Variants in SDK1 observed in about 807,000 individuals in gnomAD.
SDK1 encodes protein sidekick-1.
A neutral mutation model predicts 245.5 loss-of-function variants in SDK1; 157 were observed. The observed-to-expected ratio is 0.64, with a 90% confidence interval of 0.56 to 0.73. SDK1 has a LOEUF of 0.73. Ranked by LOEUF, SDK1 falls within the 30% of genes least tolerant of loss-of-function variation. SDK1 has a pLI of 0.00. For synonymous variants in SDK1, 1,647 were observed against 1,278.5 expected (o/e 1.29, Z -6.15); for missense variants, 3,583 against 3,002.3 (o/e 1.19, Z -4.52).
chr7:4,264,399 C>T (rs1270905789), intron 44 of SDK1, among the ~76,000 whole-genome samples: 1 of 138,530 alleles, frequency 7.2e-6, no homozygotes, highest in African/African-American at 2.6e-5. Flanking sequence ...GTGGACCTCT[C>T]CTGGGGTAAG....
Position 4,245,736 on chromosome 7 carries a change from G to T in SDK1, c.6312G>T (p.Lys2104Asn). The T allele has an allele frequency of 6.2e-7, 1 of 1,614,104 alleles. No individual in the cohort carries two copies. The change falls in exon 44 of 45, where the codon AAG becomes AAT. Residue 2104 changes from lysine (K) to asparagine (N), a missense_variant. Coordinates refer to ENST00000404826, the MANE Select transcript of SDK1 (RefSeq NM_152744.4). ...LHYSDEDICN[K>N]YNGAVLTESV... is the part of the protein sequence containing the mutation. ...ACTCAGACGAGGACATCTGCAACAAGTACAACGGCGCCGTGCTGACCGAGA... is the reference window on the plus strand; with the variant it reads ...ACTCAGACGAGGACATCTGCAACAATTACAACGGCGCCGTGCTGACCGAGA...
intron 1 of SDK1, among the ~76,000 whole-genome samples, chr7:3,335,409 A>G (rs1282744823): frequency 1.4e-5 from 2 of 142,826 alleles, no homozygotes; most frequent in East Asian, 2.1e-4. Flanking sequence ...AAGATACATA[A>G]TGGTACTTAT....
At chr7:4,189,771 T>C (rs117190789) in intron 35 of SDK1, among the ~76,000 whole-genome samples, 2,983 of 152,296 alleles carry the variant, frequency 0.02, 29 homozygotes, top group South Asian at 0.055. Context: ...GCCATGGCAA[T>C]TGAGTGAGAC....
At position 3,604,973 on chromosome 7, in the gene SDK1, TC is replaced by T. The variant is rs1278354890; in HGVS notation, c.299-14105del. Among the ~76,000 whole-genome samples, 4 of 152,268 alleles carry T rather than the reference TC, an allele frequency of 2.6e-5. No individual in the cohort carries two copies. The East Asian group carries it at 7.7e-4, about 29-fold the overall frequency. On this transcript the variant is annotated intron_variant, in intron 1 of 44. Transcript: ENST00000404826. ...TCAGTTTCCAGGTCTTTGGAGATAT[TC>T]CTGTTGTCTTTTGGTTTTTGTTTTC... is the stretch of plus-strand genomic sequence containing the variant.
intron 1 of SDK1, among the ~76,000 whole-genome samples, chr7:3,469,491 T>G (rs1236597743): frequency 6.6e-6 from 1 of 152,092 alleles, no homozygotes; most frequent in Non-Finnish European, 1.5e-5. Flanking sequence ...CATGAGGTGA[T>G]GTACACTTCT....
chr7:3,941,903 C>T lies in SDK1; in HGVS notation c.848-9020C>T, dbSNP rs981941385. On this transcript the variant is annotated intron_variant, in intron 5 of 44. Transcript: ENST00000404826. ...GCCGTGGTATATTTGGACAAGACTT[C>T]ATTCTTTTTTTTTTTTTTTTTTTGA... Among the ~76,000 whole-genome samples, 17 of 140,520 alleles carry T rather than the reference C, an allele frequency of 1.2e-4. No individual in the cohort carries two copies. In the South Asian group the frequency reaches 2.5e-3, roughly 21 times the overall value. 92.2% of individuals were successfully genotyped at this position (140,520 alleles called of 152,430 possible). A position where few individuals can be genotyped will look rare whatever the true frequency, so the allele number is the denominator to read the frequency against.
chr7:4,063,704 C>A (rs116246606), intron 19 of SDK1, among the ~76,000 whole-genome samples: 1 of 151,800 alleles, frequency 6.6e-6, no homozygotes, highest in Admixed American at 6.6e-5. Flanking sequence ...AATCACACTA[C>A]CTATCTTTGA....
intron 1 of SDK1, among the ~76,000 whole-genome samples, chr7:3,459,416 G>C (rs980156334): frequency 6.6e-6 from 1 of 152,112 alleles, no homozygotes; most frequent in Non-Finnish European, 1.5e-5. Context: ...ACAGGCAGTC[G>C]ATATAGTGCT....
chr7:3,933,454 G>C (rs943550780), intron 5 of SDK1, among the ~76,000 whole-genome samples: 5 of 152,118 alleles, frequency 3.3e-5, no homozygotes, highest in Admixed American at 3.3e-4. Context: ...CATTCCTGGA[G>C]CTGTTTTGGA....
At chr7:3,739,011 G>A (rs368348631) in intron 4 of SDK1, among the ~76,000 whole-genome samples, 8 of 151,262 alleles carry the variant, frequency 5.3e-5, no homozygotes, top group African/African-American at 9.7e-5. Context: ...ATATAAGATC[G>A]TTTATCTAAG....
At chr7:3,800,115 T>A (rs1779069041) in intron 4 of SDK1, among the ~76,000 whole-genome samples, 1 of 152,164 alleles carries the variant, frequency 6.6e-6, no homozygotes, top group Non-Finnish European at 1.5e-5. Context: ...ACGTTTCTGT[T>A]GGGCAGGATT....
intron 5 of SDK1, among the ~76,000 whole-genome samples, chr7:3,892,961 C>A (rs1010491035): frequency 1.3e-5 from 2 of 152,168 alleles, no homozygotes; most frequent in African/African-American, 4.8e-5. Flanking sequence ...TGGCAGGGAA[C>A]AGGCTGCCTT....
intron 5 of SDK1, among the ~76,000 whole-genome samples, chr7:3,833,273 C>T (rs190335145): frequency 2.0e-5 from 3 of 152,086 alleles, no homozygotes; most frequent in South Asian, 2.1e-4. Context: ...TGGCCCCGTG[C>T]GGTAGTTTGC....
Position 3,808,438 on chromosome 7 carries a change from A to C in SDK1, c.714-13012A>C, listed in dbSNP as rs562825860. ...AAAGGATGCCAGTGTCTGTCTCCCA[A>C]CTGTGGCTAATGGTTCAGTGGGATT... On this transcript the variant is annotated intron_variant, in intron 4 of 44. Coordinates refer to ENST00000404826, the MANE Select transcript of SDK1 (RefSeq NM_152744.4). Among the ~76,000 whole-genome samples, 4 of 152,298 alleles carry C rather than the reference A, an allele frequency of 2.6e-5. No homozygotes were observed. In the South Asian group the frequency reaches 8.3e-4, roughly 32 times the overall value.
Position 3,931,606 on chromosome 7 carries a change from C to T in SDK1, c.848-19317C>T, listed in dbSNP as rs1012825751. ...TTTCTATTCAGGCATGTGGGGTACA[C>T]CCTAAGCTCCTTAAACTCCCCGCCA... On this transcript the variant is annotated intron_variant, in intron 5 of 44. Transcript: ENST00000404826. 5.3e-5 allele frequency among the ~76,000 whole-genome samples: 8 copies of T among 152,192 alleles called. No homozygotes were observed. In the South Asian group the frequency reaches 6.2e-4, roughly 12 times the overall value.
At chr7:3,602,247 C>G (rs1165500339) in intron 1 of SDK1, among the ~76,000 whole-genome samples, 1 of 151,348 alleles carries the variant, frequency 6.6e-6, no homozygotes, top group Non-Finnish European at 1.5e-5. Context: ...CCTGAGGAAT[C>G]GCCACACTGA....
intron 1 of SDK1, among the ~76,000 whole-genome samples, chr7:3,462,498 A>G (rs1780864190): frequency 6.6e-6 from 1 of 152,156 alleles, no homozygotes; most frequent in Non-Finnish European, 1.5e-5. Context: ...TTTATGTAAT[A>G]TTATAGATGA....
At chr7:3,861,142 G>T (rs1000271137) in intron 5 of SDK1, among the ~76,000 whole-genome samples, 2 of 152,308 alleles carry the variant, frequency 1.3e-5, no homozygotes, top group Middle Eastern at 3.4e-3. Flanking sequence ...GGAGACACGC[G>T]TAAGGGTGTT....
Position 4,138,683 on chromosome 7 carries a change from G to C in SDK1, c.4228+6260G>C, listed in dbSNP as rs567389225. ...AAGCATTTGAACCTGGGAGGCAGAG[G>C]TTGCAGTATAGCCGAGATCATACCA... is the stretch of plus-strand genomic sequence containing the variant. On this transcript the variant is annotated intron_variant, in intron 28 of 44. Transcript: ENST00000404826. Among the ~76,000 whole-genome samples the C allele has an allele frequency of 5.3e-5, 8 of 150,630 alleles. 1 individual carries two copies. The South Asian group carries it at 1.0e-3, about 20-fold the overall frequency.
Sources: gnomAD v4.1 joint callset for allele counts (sites outside exome capture counted in the v4.1 genomes callset) on GRCh38, gnomAD v4.1.1 for gene constraint, MANE v1.5 for transcripts, NCBI Gene and HGNC (gene_info 2026-07-23, HGNC 2026-07-21) for gene names.